Variants in ARL15 observed in about 807,000 individuals in gnomAD.
ARL15 encodes ADP-ribosylation factor-like protein 15.
Under a neutral mutation model 25.2 loss-of-function variants are expected in ARL15, and 19 were observed. That is an observed-to-expected ratio of 0.75 (90% confidence interval 0.53 to 1.10). The LOEUF (loss-of-function observed/expected upper bound fraction) is 1.10. Ranked by LOEUF, ARL15 falls within the 50% of genes least tolerant of loss-of-function variation. ARL15 has a pLI of 0.00. For missense variants in ARL15, 220 were observed against 246.0 expected, an observed-to-expected ratio of 0.89 and a Z score of 0.71; for synonymous variants, 94 against 86.8, an observed-to-expected ratio of 1.08 and a Z score of -0.46.
intron 4 of ARL15, among the ~76,000 whole-genome samples, chr5:53,892,373 C>G (rs1744743070): frequency 6.6e-6 from 1 of 151,990 alleles, no homozygotes; most frequent in African/African-American, 2.4e-5. Flanking sequence ...ATACAAAAGG[C>G]CAGGAAAAAG....
chr5:54,090,436 AG>A (rs199933512), intron 4 of ARL15, among the ~76,000 whole-genome samples: 2,410 of 149,892 alleles, frequency 0.016, 58 homozygotes, highest in African/African-American at 0.053. Context: ...GCAAAAAAAA[AG>A]AAACAGGCAA....
intron 4 of ARL15, among the ~76,000 whole-genome samples, chr5:54,041,912 ATCATTTAT>A (rs1226640024): frequency 6.6e-6 from 1 of 151,556 alleles, no homozygotes; most frequent in Non-Finnish European, 1.5e-5. Flanking sequence ...CCTCCAATAG[ATCATTTAT>A]TCTAGTTGGG....
At chr5:54,249,941 G>C (rs577976542) in intron 1 of ARL15, among the ~76,000 whole-genome samples, 1 of 152,270 alleles carries the variant, frequency 6.6e-6, no homozygotes, top group East Asian at 1.9e-4. Flanking sequence ...TTCAATGACT[G>C]GTCATAGGGT....
chr5:54,205,070 G>A (rs1306801623), intron 1 of ARL15, among the ~76,000 whole-genome samples: 1 of 151,890 alleles, frequency 6.6e-6, no homozygotes, highest in Admixed American at 6.6e-5. Flanking sequence ...AAGTAGCTGG[G>A]ATTTACGGGT....
intron 1 of ARL15, among the ~76,000 whole-genome samples, chr5:54,287,638 T>A (rs1305217025): frequency 2.0e-5 from 3 of 152,138 alleles, no homozygotes; most frequent in Non-Finnish European, 4.4e-5. Context: ...TAACTGACAA[T>A]CTACATACTA....
chr5:53,967,864 T>G (rs1162518300), intron 4 of ARL15, among the ~76,000 whole-genome samples: 1 of 151,996 alleles, frequency 6.6e-6, no homozygotes, highest in Admixed American at 6.6e-5. Context: ...GACAATTGAA[T>G]GTGGGGCCAA....
chr5:53,973,705 C>G (rs1411485539), intron 4 of ARL15, among the ~76,000 whole-genome samples: 1 of 151,604 alleles, frequency 6.6e-6, no homozygotes. Flanking sequence ...CGCCACTGTA[C>G]TCCAGCCTGC....
At chr5:53,989,947 C>T (rs1284663687) in intron 4 of ARL15, among the ~76,000 whole-genome samples, 1 of 152,086 alleles carries the variant, frequency 6.6e-6, no homozygotes, top group Non-Finnish European at 1.5e-5. Flanking sequence ...TTAAAGAAAG[C>T]ACAAGGCTGG....
intron 1 of ARL15, among the ~76,000 whole-genome samples, chr5:54,236,742 T>G (rs536542039): frequency 1.3e-5 from 2 of 152,356 alleles, no homozygotes; most frequent in East Asian, 3.9e-4. Context: ...CTTCTTTTCT[T>G]CAAGTAATTA....
intron 4 of ARL15, among the ~76,000 whole-genome samples, chr5:54,112,575 G>A (rs773093313): frequency 3.9e-5 from 6 of 152,122 alleles, no homozygotes; most frequent in Non-Finnish European, 1.5e-5. Context: ...TCTCATTACT[G>A]CAGTACCATG....
chr5:54,009,550 G>T (rs1749165015), intron 4 of ARL15, among the ~76,000 whole-genome samples: 2 of 151,970 alleles, frequency 1.3e-5, no homozygotes, highest in African/African-American at 4.8e-5. Flanking sequence ...GAACTCTCTG[G>T]CTGCTGCAGA....
At chr5:54,001,340 C>G (rs920142754) in intron 4 of ARL15, among the ~76,000 whole-genome samples, 5 of 152,160 alleles carry the variant, frequency 3.3e-5, no homozygotes, top group Non-Finnish European at 7.3e-5. Flanking sequence ...TAACAGAGTG[C>G]TAAGGATGCA....
At chr5:53,948,351 C>A (rs1256466666) in intron 4 of ARL15, among the ~76,000 whole-genome samples, 2 of 152,192 alleles carry the variant, frequency 1.3e-5, no homozygotes, top group Non-Finnish European at 2.9e-5. Flanking sequence ...TTCTTTTGGT[C>A]TTCTATATGA....
intron 4 of ARL15, among the ~76,000 whole-genome samples, chr5:54,099,829 T>C (rs1242095303): frequency 2.0e-5 from 3 of 152,162 alleles, no homozygotes; most frequent in African/African-American, 4.8e-5. Context: ...TAGCCCCATT[T>C]TACAGATGAG....
chr5:53,917,221 A>G (rs942674774), intron 4 of ARL15, among the ~76,000 whole-genome samples: 1 of 152,214 alleles, frequency 6.6e-6, no homozygotes, highest in African/African-American at 2.4e-5. Flanking sequence ...GCAACTCATT[A>G]AGTGTGTCTC....
Position 54,114,417 on chromosome 5 carries a change from A to AAAAAATAAAAAT in ARL15, c.254-1008_254-1007insATTTTTATTTTT, listed in dbSNP as rs1190191336. Among the ~76,000 whole-genome samples, 384 of 149,068 alleles carry AAAAAATAAAAAT rather than the reference A, an allele frequency of 2.6e-3. 25 individuals carry two copies. The highest frequency in any genetic ancestry group is 2.2e-3 in the Non-Finnish European group (148 of 67,240). ...AGGCTCCATCTCAAGAAAAAAAAAA[A>AAAAAATAAAAAT]AAAAAGCAACACCACATGGAGAGTC... On this transcript the variant is annotated intron_variant, in intron 3 of 4. Transcript: ENST00000504924.
chr5:54,222,430 C>G (rs578080899), intron 1 of ARL15, among the ~76,000 whole-genome samples: 1 of 152,330 alleles, frequency 6.6e-6, no homozygotes, highest in East Asian at 1.9e-4. Context: ...AGCAAACACA[C>G]TTGAGCAGCC....
chr5:54,230,787 T>G (rs1237307941), intron 1 of ARL15, among the ~76,000 whole-genome samples: 2 of 152,216 alleles, frequency 1.3e-5, no homozygotes, highest in African/African-American at 4.8e-5. Flanking sequence ...CCCAGTATAA[T>G]AAATTACTCA....
chr5:54,302,750 G>A (rs909669061), intron 1 of ARL15, among the ~76,000 whole-genome samples: 2 of 138,522 alleles, frequency 1.4e-5, no homozygotes, highest in African/African-American at 5.5e-5. Flanking sequence ...CCAGGCATGG[G>A]GCTCTTCTGA....
Sources: allele counts gnomAD v4.1 joint callset (sites outside exome capture counted in the v4.1 genomes callset), GRCh38; gene constraint gnomAD v4.1.1; transcripts MANE v1.5; gene names NCBI Gene and HGNC (gene_info 2026-07-23, HGNC 2026-07-21).